CCDC117: variants seen among roughly 807,000 people sequenced by gnomAD.
The protein encoded by CCDC117 is coiled-coil domain containing 117.
CCDC117 carries 1 observed loss-of-function variant against 23.5 expected under a neutral mutation model. That is an observed-to-expected ratio of 0.04 (90% CI 0.02 to 0.20). CCDC117 has a LOEUF of 0.20. Among genes scored for constraint, CCDC117 ranks in the 10% least tolerant of loss-of-function variants. The probability of loss-of-function intolerance (pLI) is 1.00; values close to 1 mark genes in which losing one functional copy is unlikely to be tolerated. For missense variants in CCDC117, 383 were observed against 348.2 expected (o/e 1.10, Z -0.80); for synonymous variants, 132 against 124.8 (o/e 1.06, Z -0.39).
intron 2 of CCDC117, among the ~76,000 whole-genome samples, chr22:28,779,305 C>T (rs577584912): frequency 6.6e-6 from 1 of 152,014 alleles, no homozygotes; most frequent in Non-Finnish European, 1.5e-5. Flanking sequence ...TGGGTTCAAG[C>T]GATTCTCCTG....
rs1219275729 is a variant in CCDC117, at chr22:28,772,984, G to A, written c.135G>A (p.Pro45=). The A allele has an allele frequency of 3.3e-6, 4 of 1,200,532 alleles. No homozygotes were observed. Among genetic ancestry groups the A allele is most frequent in the Non-Finnish European group, 4.1e-6 (4 of 967,568 alleles). The allele number at this position is 1,200,532 out of a possible 1,614,324, so 74.4% of individuals were successfully genotyped here. A position where few individuals can be genotyped will look rare whatever the true frequency, so the allele number is the denominator to read the frequency against. Residue 45 remains proline (P), a synonymous_variant, in exon 1 of 5, where the codon CCG becomes CCA. Coordinates refer to ENST00000249064, the MANE Select transcript of CCDC117 (RefSeq NM_173510.4). ...GADGAELAPR[P]GPRAVPSSPA... The stretch of plus-strand genomic sequence containing the variant: ...ACGGCGCCGAGTTGGCCCCGCGGCC[G>A]GGACCTCGCGCAGTCCCTAGCAGTC...
intron 2 of CCDC117, among the ~76,000 whole-genome samples, chr22:28,776,567 C>T (rs561961403): frequency 2.7e-4 from 41 of 149,704 alleles, no homozygotes; most frequent in Non-Finnish European, 5.2e-4. Context: ...ATTACAGGCG[C>T]GTGCCACCAT....
At position 28,787,474 on chromosome 22, in the gene CCDC117, T is replaced by C. The variant is rs1387666569; in HGVS notation, c.*1148T>C. ...TTTTAAATGTTAATATAGAAAACAG[T>C]GAAGGATTAGCTGAAAATATATGAG... is the stretch of plus-strand genomic sequence containing the variant. On this transcript the variant is annotated 3_prime_UTR_variant, in exon 5 of 5. Transcript: ENST00000249064. 1.3e-5 allele frequency: 2 copies of C among 152,070 alleles called. No homozygotes were observed. The highest frequency in any genetic ancestry group is 1.3e-4 in the Admixed American group (2 of 15,262). The allele number at this position is 152,070 out of a possible 1,614,324, so 9.4% of individuals were successfully genotyped here. A position where few individuals can be genotyped will look rare whatever the true frequency, so the allele number is the denominator to read the frequency against.
chr22:28,782,470 G>A (rs528664978), intron 3 of CCDC117, among the ~76,000 whole-genome samples: 6 of 151,662 alleles, frequency 4.0e-5, no homozygotes, highest in East Asian at 1.9e-4. Context: ...ACAGAGTCTC[G>A]CTCTGTTGCT....
intron 2 of CCDC117, among the ~76,000 whole-genome samples, chr22:28,777,535 G>T (rs2031203568): frequency 6.8e-6 from 1 of 146,572 alleles, no homozygotes; most frequent in African/African-American, 2.5e-5. Flanking sequence ...TTTTGAGATG[G>T]ACTCTTGCTC....
chr22:28,777,745 T>A (rs919048022), intron 2 of CCDC117, among the ~76,000 whole-genome samples: 1 of 151,948 alleles, frequency 6.6e-6, no homozygotes, highest in Non-Finnish European at 1.5e-5. Context: ...CTTGACCTCA[T>A]GATCCACCCG....
At chr22:28,785,645 C>T (rs1020750637) in intron 4 of CCDC117, among the ~76,000 whole-genome samples, 6 of 152,148 alleles carry the variant, frequency 3.9e-5, no homozygotes, top group African/African-American at 1.4e-4. Flanking sequence ...CAATCAAGGG[C>T]TCTGCGTTTT....
At chr22:28,780,373 C>T (rs766389680) in intron 2 of CCDC117, among the ~76,000 whole-genome samples, 8 of 152,094 alleles carry the variant, frequency 5.3e-5, no homozygotes. Context: ...ATGTTTTTGC[C>T]CTAAGGGAAT....
In CCDC117 at chr22:28,787,317, T is replaced by G. The variant is rs376025458; in HGVS notation, c.*991T>G. 1.3e-5 allele frequency: 2 copies of G among 152,160 alleles called. No homozygotes were observed. The highest frequency in any genetic ancestry group is 3.9e-4 in the East Asian group (2 of 5,194). The allele number at this position is 152,160 out of a possible 1,614,324, so 9.4% of individuals were successfully genotyped here. A position where few individuals can be genotyped will look rare whatever the true frequency, so the allele number is the denominator to read the frequency against. Reference sequence around the variant, plus strand: ...TCCACGCCCAGCTAATTTTTGTATTTTTAATAGAGACCGGTTTTGCCATGT... The same window carrying G: ...TCCACGCCCAGCTAATTTTTGTATTGTTAATAGAGACCGGTTTTGCCATGT... On this transcript the variant is annotated 3_prime_UTR_variant, in exon 5 of 5. Transcript: ENST00000249064.
chr22:28,772,926 C>G lies in CCDC117; in HGVS notation c.77C>G (p.Ala26Gly). ...GACTTCCTGCAGCCGCCGCAGCCGG[C>G]CTTCCCCGGCCGGGCCTTCCCGCCG... ...GSDFLQPPQP[A>G]FPGRAFPPGA... The change falls in exon 1 of 5, where the codon GCC becomes GGC. Residue 26 changes from alanine to glycine, a missense_variant. Ala to Gly is a moderately conservative substitution (Grantham distance 60). Transcript: ENST00000249064. 2 of 1,224,110 alleles carry G rather than the reference C, an allele frequency of 1.6e-6. No homozygotes were observed. The highest frequency in any genetic ancestry group is 8.6e-5 in the Admixed American group (2 of 23,266). The allele number at this position is 1,224,110 out of a possible 1,614,324, so 75.8% of individuals were successfully genotyped here.
intron 2 of CCDC117, among the ~76,000 whole-genome samples, chr22:28,780,284 G>C (rs536996168): frequency 1.3e-5 from 2 of 152,300 alleles, no homozygotes; most frequent in South Asian, 2.1e-4. Context: ...TAGAGCCTCT[G>C]ACATTTTGAA....
intron 3 of CCDC117, 144 bp from the exon 4 acceptor site, chr22:28,783,362 GGT>G (rs2031412288): frequency 5.8e-6 from 4 of 692,198 alleles, no homozygotes; most frequent in African/African-American, 3.6e-5. Flanking sequence ...TTTATACTCA[GGT>G]ATAGCCTCAT....
rs78326869 is a variant in CCDC117, at chr22:28,774,085, T to G, written c.239+307T>G. Among the ~76,000 whole-genome samples, 151 of 151,476 alleles carry G rather than the reference T, an allele frequency of 1.0e-3. 1 individual carries two copies. The highest frequency in any genetic ancestry group is 2.9e-3 in the African/African-American group (122 of 41,420). On this transcript the variant is annotated intron_variant, in intron 2 of 4. Coordinates refer to ENST00000249064, the MANE Select transcript of CCDC117 (RefSeq NM_173510.4). The stretch of plus-strand genomic sequence containing the variant: ...TTTTGTTTTTGTTTTTTTTTTTTTT[T>G]GGGACGGAGTCTGCCTCTGTCGCCC...
Position 28,772,896 on chromosome 22 carries a change from G to A in CCDC117, c.47G>A (p.Gly16Asp). 3 of 1,233,740 alleles carry A rather than the reference G, an allele frequency of 2.4e-6. No individual in the cohort carries two copies. The highest frequency in any genetic ancestry group is 2.0e-6 in the Non-Finnish European group (2 of 987,734). The allele number at this position is 1,233,740 out of a possible 1,614,324, so 76.4% of individuals were successfully genotyped here. Residue 16 changes from glycine to aspartate, a missense_variant, in exon 1 of 5, where the codon GGC (glycine) becomes GAC (aspartate). Physicochemically the swap from Gly to Asp is moderately conservative, Grantham distance 94. Coordinates refer to ENST00000249064, the MANE Select transcript of CCDC117 (RefSeq NM_173510.4). ...TTCAGCGGCCTCCCTCTGAGCGGCG[G>A]CTCGGACTTCCTGCAGCCGCCGCAG... is the stretch of plus-strand genomic sequence containing the variant. ...RPFSGLPLSG[G>D]SDFLQPPQPA... is the part of the protein sequence containing the mutation.
Position 28,788,290 on chromosome 22 carries a change from T to G in CCDC117, c.*1964T>G, listed in dbSNP as rs1043772066. ...GGGACCAACTTGTAAAGTATGAGCC[T>G]TAAATAAATCTCCATGCTGAAAAAT... On this transcript the variant is annotated 3_prime_UTR_variant, in exon 5 of 5. Coordinates refer to ENST00000249064, the MANE Select transcript of CCDC117 (RefSeq NM_173510.4). The G allele has an allele frequency of 8.5e-5, 13 of 152,628 alleles. No homozygotes were observed. The highest frequency in any genetic ancestry group is 3.1e-4 in the African/African-American group (13 of 41,448). The allele number at this position is 152,628 out of a possible 1,614,324, so 9.5% of individuals were successfully genotyped here. A position where few individuals can be genotyped will look rare whatever the true frequency, so the allele number is the denominator to read the frequency against.
At position 28,783,555 on chromosome 22, in the gene CCDC117, A is replaced by G. The variant is rs775761135; in HGVS notation, c.512A>G (p.His171Arg). The G allele has an allele frequency of 1.2e-6, 2 of 1,613,662 alleles. No individual in the cohort carries two copies. The highest frequency in any genetic ancestry group is 2.7e-5 in the African/African-American group (2 of 74,906). The change falls in exon 4 of 5, where the codon CAT becomes CGT. Residue 171 changes from histidine to arginine, a missense_variant. By Grantham distance (29) the His-to-Arg change is conservative. Transcript: ENST00000249064. Reference protein sequence around the residue: ...EEVEADRNVNHLPSLVLSDTM... With the variant: ...EEVEADRNVNRLPSLVLSDTM... ...GTTGAAGCTGACAGAAATGTTAACC[A>G]TCTCCCCAGTCTTGTCCTTTCTGAT...
intron 2 of CCDC117, among the ~76,000 whole-genome samples, chr22:28,780,353 C>T (rs1211294233): frequency 6.6e-6 from 1 of 152,152 alleles, no homozygotes; most frequent in Admixed American, 6.6e-5. Context: ...TTGAACAAAC[C>T]TCATGAGACA....
chr22:28,785,488 C>CTTT (rs1386314119), intron 4 of CCDC117, among the ~76,000 whole-genome samples: 4 of 152,100 alleles, frequency 2.6e-5, no homozygotes, highest in Non-Finnish European at 5.9e-5. Context: ...GTGCCTGGCC[C>CTTT]ATAAAGCATT....
intron 2 of CCDC117, among the ~76,000 whole-genome samples, chr22:28,778,011 A>G (rs1183585485): frequency 6.6e-6 from 1 of 151,104 alleles, no homozygotes; most frequent in South Asian, 2.1e-4. Context: ...ACGCCCGGCA[A>G]ATTTTTTGCA....
Sources: allele counts gnomAD v4.1 joint callset (sites outside exome capture counted in the v4.1 genomes callset), GRCh38; gene constraint gnomAD v4.1.1; transcripts MANE v1.5; gene names NCBI Gene and HGNC (gene_info 2026-07-23, HGNC 2026-07-21).